The following DISP1 variants were observed in gnomAD, a reference collection of about 807,000 sequenced individuals.
DISP1 encodes dispatched RND transporter family member 1.
In DISP1, 30 loss-of-function variants were observed where a neutral mutation model predicts 37.3. That is an observed-to-expected ratio of 0.80 (90% confidence interval 0.60 to 1.09). The LOEUF (loss-of-function observed/expected upper bound fraction) is 1.09, where lower values mean the gene tolerates loss of function less well. Among genes scored for constraint, DISP1 ranks in the 50% least tolerant of loss-of-function variants. The pLI, the probability that DISP1 is intolerant of heterozygous loss-of-function variation, is 0.00. For synonymous variants in DISP1, 634 were observed against 690.2 expected (o/e 0.92, Z 1.28); for missense variants, 1,598 against 1,879.5 (o/e 0.85, Z 2.77).
chr1:222,967,560 T>A (rs1676595210), intron 3 of DISP1, among the ~76,000 whole-genome samples: 1 of 152,156 alleles, frequency 6.6e-6, no homozygotes, highest in Non-Finnish European at 1.5e-5. Context: ...AAGAGCCAGA[T>A]TTAAGGCCAG....
At chr1:222,972,777 G>A (rs1163320147) in intron 3 of DISP1, among the ~76,000 whole-genome samples, 4 of 152,170 alleles carry the variant, frequency 2.6e-5, no homozygotes, top group East Asian at 1.9e-4. Context: ...GTACCTATAC[G>A]TTATAATTAC....
Position 222,963,153 on chromosome 1 carries a change from G to A in DISP1, c.509+19821G>A, listed in dbSNP as rs532588304. Reference sequence around the variant, plus strand: ...ACTTCTCAAAAGAAGACATTTATGCGGCCAAGAAACATGAGAAAAGACTCA... The same window carrying A: ...ACTTCTCAAAAGAAGACATTTATGCAGCCAAGAAACATGAGAAAAGACTCA... On this transcript the variant is annotated intron_variant, in intron 3 of 8. Transcript: ENST00000675850. Among the ~76,000 whole-genome samples, 21 of 152,236 alleles carry A rather than the reference G, an allele frequency of 1.4e-4. 1 individual carries two copies. In the South Asian group the frequency reaches 3.1e-3, roughly 23 times the overall value.
chr1:222,882,952 T>C (rs540014859), intron 1 of DISP1, among the ~76,000 whole-genome samples: 1 of 152,296 alleles, frequency 6.6e-6, no homozygotes, highest in Admixed American at 6.5e-5. Flanking sequence ...CTGTTACATG[T>C]AAATTATGAT....
intron 3 of DISP1, among the ~76,000 whole-genome samples, chr1:222,951,397 C>A (rs1234435434): frequency 1.5e-5 from 1 of 68,750 alleles, no homozygotes; most frequent in Non-Finnish European, 2.8e-5. Flanking sequence ...TGAGAATTCT[C>A]ATGTTATATT....
intron 1 of DISP1, among the ~76,000 whole-genome samples, chr1:222,887,491 T>TG (rs1461960601): frequency 6.6e-4 from 72 of 108,490 alleles, no homozygotes; most frequent in East Asian, 4.7e-3. Flanking sequence ...TTTTTGTTTT[T>TG]TTTTTTTTTT....
chr1:222,968,427 C>T (rs1373169848), intron 3 of DISP1, among the ~76,000 whole-genome samples: 1 of 152,084 alleles, frequency 6.6e-6, no homozygotes, highest in African/African-American at 2.4e-5. Context: ...TCAGAATCTA[C>T]GTTCATCCCC....
chr1:222,929,149 AC>A (rs1435829719), intron 2 of DISP1, among the ~76,000 whole-genome samples: 1 of 152,210 alleles, frequency 6.6e-6, no homozygotes. Flanking sequence ...ACAGCTTGGT[AC>A]AGGCCTTCAA....
intron 3 of DISP1, among the ~76,000 whole-genome samples, chr1:222,968,023 T>G (rs964151182): frequency 3.9e-5 from 6 of 152,016 alleles, no homozygotes; most frequent in Non-Finnish European, 8.8e-5. Flanking sequence ...TTTAATGTAT[T>G]CTGCCCTGGG....
At chr1:222,842,315 A>T (rs371504797) in intron 1 of DISP1, among the ~76,000 whole-genome samples, 12 of 147,844 alleles carry the variant, frequency 8.1e-5, no homozygotes, top group African/African-American at 1.8e-4. Context: ...TGTCATTTTA[A>T]AAAAAAAAAA....
intron 3 of DISP1, among the ~76,000 whole-genome samples, chr1:222,961,265 T>A (rs953773320): frequency 6.6e-6 from 1 of 152,196 alleles, no homozygotes; most frequent in Admixed American, 6.5e-5. Context: ...AAAAAGCTTA[T>A]CCGCCATGAT....
chr1:222,898,815 T>C (rs767965190), intron 1 of DISP1, among the ~76,000 whole-genome samples: 33 of 152,202 alleles, frequency 2.2e-4, no homozygotes, highest in Non-Finnish European at 3.5e-4. Flanking sequence ...GGTTATATTA[T>C]GTTACTTTCA....
rs568220770 is a variant in DISP1 at position 222,964,832 on chromosome 1, T to C, written c.510-18248T>C. On this transcript the variant is annotated intron_variant, in intron 3 of 8. Coordinates refer to ENST00000675850, the MANE Select transcript of DISP1 (RefSeq NM_001377229.1). ...TGAACTGAATTTTCTAGTTTAAATG[T>C]TAAAGCTCTGTGTTGTCATCTTCAG... is the stretch of plus-strand genomic sequence containing the variant. Among the ~76,000 whole-genome samples, 22 of 152,324 alleles carry C rather than the reference T, an allele frequency of 1.4e-4. No homozygotes were observed. The South Asian group carries it at 4.6e-3, about 32-fold the overall frequency.
intron 3 of DISP1, among the ~76,000 whole-genome samples, chr1:222,957,713 ATAAT>A (rs1675715788): frequency 6.6e-6 from 1 of 152,248 alleles, no homozygotes; most frequent in Non-Finnish European, 1.5e-5. Context: ...TTAAGAAGAA[ATAAT>A]TAATAAGAGA....
intron 5 of DISP1, 70 bp from the exon 6 acceptor site, chr1:222,991,450 C>A: frequency 1.9e-6 from 3 of 1,598,352 alleles, no homozygotes; most frequent in Non-Finnish European, 2.6e-6. Context: ...ATTGCTTTCC[C>A]AAGCTTTTAT....
intron 1 of DISP1, among the ~76,000 whole-genome samples, chr1:222,883,167 T>A (rs1202193549): frequency 6.6e-6 from 1 of 152,122 alleles, no homozygotes; most frequent in Non-Finnish European, 1.5e-5. Context: ...ACAATTTAAG[T>A]ATCATAAAAG....
At chr1:222,982,037 T>C (rs1336539438) in intron 3 of DISP1, among the ~76,000 whole-genome samples, 1 of 152,206 alleles carries the variant, frequency 6.6e-6, no homozygotes, top group Non-Finnish European at 1.5e-5. Flanking sequence ...TCATTAAAAA[T>C]AATAAGCCCA....
intron 1 of DISP1, among the ~76,000 whole-genome samples, chr1:222,824,492 C>A (rs1215784171): frequency 6.6e-6 from 1 of 152,168 alleles, no homozygotes; most frequent in Non-Finnish European, 1.5e-5. Context: ...GGTGCTGATA[C>A]TTGAAGTACT....
At chr1:222,849,982 T>C (rs1013919470) in intron 1 of DISP1, among the ~76,000 whole-genome samples, 8 of 152,152 alleles carry the variant, frequency 5.3e-5, no homozygotes, top group African/African-American at 1.9e-4. Context: ...CTAATAAAGA[T>C]TGAGAGGCTG....
intron 3 of DISP1, among the ~76,000 whole-genome samples, chr1:222,954,270 A>G (rs1211163143): frequency 6.6e-6 from 1 of 152,182 alleles, no homozygotes; most frequent in African/African-American, 2.4e-5. Context: ...CTTAACATTT[A>G]AAGGACAATT....
Sources: gnomAD v4.1 joint callset for allele counts (sites outside exome capture counted in the v4.1 genomes callset) on GRCh38, gnomAD v4.1.1 for gene constraint, MANE v1.5 for transcripts, NCBI Gene and HGNC (gene_info 2026-07-23, HGNC 2026-07-21) for gene names.